PTK2: variants seen among roughly 807,000 people sequenced by gnomAD.
The protein encoded by PTK2 is focal adhesion kinase 1.
A neutral mutation model predicts 150.1 loss-of-function variants in PTK2; 45 were observed. That is an observed-to-expected ratio of 0.30 (90% CI 0.24 to 0.38). The LOEUF is 0.38. PTK2 is among the 10% of genes least tolerant of loss of function. PTK2 has a pLI of 1.00. For synonymous variants in PTK2, 432 were observed against 449.2 expected (o/e 0.96, Z 0.48); for missense variants, 919 against 1,307.3 (o/e 0.70, Z 4.58).
intron 26 of PTK2, 168 bp downstream of exon 29, chr8:140,700,723 G>C: frequency 4.2e-6 from 3 of 708,816 alleles, no homozygotes; most frequent in Non-Finnish European, 6.4e-6. Context: ...TGATCTGCTT[G>C]CCTCAGCCTC....
chr8:140,866,927 G>T (rs1167876573), intron 4 of PTK2, among the ~76,000 whole-genome samples: 1 of 152,132 alleles, frequency 6.6e-6, no homozygotes, highest in Non-Finnish European at 1.5e-5. Context: ...GATGATATCT[G>T]AACAAAGATC....
At chr8:140,775,337 T>A (rs2100077795) in intron 14 of PTK2, among the ~76,000 whole-genome samples, 1 of 151,912 alleles carries the variant, frequency 6.6e-6, no homozygotes, top group Non-Finnish European at 1.5e-5. Flanking sequence ...ATACAAAAGC[T>A]AGTCAGGCGT....
intron 28 of PTK2, 162 bp downstream of exon 31, chr8:140,675,298 A>G: frequency 1.4e-6 from 1 of 728,292 alleles, no homozygotes. Context: ...TTTTCCCAAT[A>G]CTCTAGTAAT....
chr8:140,803,009 T>TC (rs1213518851), intron 11 of PTK2, among the ~76,000 whole-genome samples: 1 of 133,006 alleles, frequency 7.5e-6, no homozygotes, highest in Non-Finnish European at 1.6e-5. Context: ...GACAATCTTT[T>TC]TTTTTTTTTT....
At chr8:140,993,125 G>A (rs767068983) in intron 1 of PTK2, among the ~76,000 whole-genome samples, 1 of 152,132 alleles carries the variant, frequency 6.6e-6, no homozygotes, top group Non-Finnish European at 1.5e-5. Context: ...TTATGAAAGA[G>A]CAGAGCAATA....
chr8:140,990,525 A>G (rs1249229521), intron 1 of PTK2, among the ~76,000 whole-genome samples: 1 of 152,306 alleles, frequency 6.6e-6, no homozygotes, highest in East Asian at 1.9e-4. Context: ...TACAGGCGTG[A>G]GTCAACATGC....
At chr8:140,671,083 A>T (rs1206272025) in intron 29 of PTK2, among the ~76,000 whole-genome samples, 1 of 152,216 alleles carries the variant, frequency 6.6e-6, no homozygotes, top group Non-Finnish European at 1.5e-5. Context: ...CCCTCTATAG[A>T]TGTAGCCAAT....
At chr8:140,912,710 C>CA (rs894282639) in intron 2 of PTK2, among the ~76,000 whole-genome samples, 4 of 152,034 alleles carry the variant, frequency 2.6e-5, no homozygotes, top group Non-Finnish European at 5.9e-5. Flanking sequence ...CCTGTAACCC[C>CA]AACACTTTGG....
intron 1 of PTK2, among the ~76,000 whole-genome samples, chr8:140,951,343 C>G (rs982959397): frequency 6.6e-6 from 1 of 152,166 alleles, no homozygotes; most frequent in Non-Finnish European, 1.5e-5. Flanking sequence ...TGCAGGAGCT[C>G]AAATGGCCCA....
intron 1 of PTK2, among the ~76,000 whole-genome samples, chr8:140,976,164 G>A (rs531076039): frequency 7.9e-5 from 12 of 152,290 alleles, no homozygotes; most frequent in African/African-American, 2.9e-4. Flanking sequence ...TAAAGGCAGA[G>A]CCAATATTTG....
At chr8:140,843,033 C>CA (rs2100123240) in intron 7 of PTK2, among the ~76,000 whole-genome samples, 1 of 152,068 alleles carries the variant, frequency 6.6e-6, no homozygotes, top group African/African-American at 2.4e-5. Flanking sequence ...TGACCCCTGA[C>CA]AAAAACTGCG....
chr8:140,674,734 C>T (rs375907508), intron 28 of PTK2, among the ~76,000 whole-genome samples: 5 of 150,278 alleles, frequency 3.3e-5, no homozygotes, highest in Non-Finnish European at 5.9e-5. Flanking sequence ...AACAAAACTC[C>T]GTCTCAAAAA....
chr8:140,809,854 G>GT (rs1555108476), intron 10 of PTK2, among the ~76,000 whole-genome samples: 4 of 152,138 alleles, frequency 2.6e-5, no homozygotes, highest in Non-Finnish European at 5.9e-5. Flanking sequence ...AACACCTGCC[G>GT]TTTAAAAAGG....
chr8:140,681,497 C>T (rs778710724), intron 27 of PTK2, among the ~76,000 whole-genome samples: 68 of 152,174 alleles, frequency 4.5e-4, no homozygotes, highest in Admixed American at 2.0e-3. Context: ...GTTGGCCGGG[C>T]GCGGTGGCTC....
intron 22 of PTK2, among the ~76,000 whole-genome samples, chr8:140,718,991 C>A (rs1296805537): frequency 6.6e-6 from 1 of 152,104 alleles, no homozygotes; most frequent in Non-Finnish European, 1.5e-5. Flanking sequence ...GCCTGGCCAA[C>A]ATAGTGAAAC....
intron 14 of PTK2, among the ~76,000 whole-genome samples, chr8:140,783,539 G>A (rs375994970): frequency 2.0e-5 from 3 of 152,296 alleles, no homozygotes; most frequent in African/African-American, 7.2e-5. Context: ...CAAATCTAGT[G>A]TATCAGAGAC....
intron 14 of PTK2, among the ~76,000 whole-genome samples, chr8:140,776,954 A>T (rs1378870622): frequency 6.6e-6 from 1 of 152,242 alleles, no homozygotes; most frequent in South Asian, 2.1e-4. Flanking sequence ...AAGCAAAAGC[A>T]GGGCAATTTC....
At chr8:140,913,046 A>G (rs953475102) in intron 2 of PTK2, among the ~76,000 whole-genome samples, 2 of 152,218 alleles carry the variant, frequency 1.3e-5, no homozygotes, top group African/African-American at 2.4e-5. Context: ...GGGGGAAAAA[A>G]GGGGAAATCT....
rs190842295 is a variant in PTK2 at position 140,915,604 on chromosome 8, C to A, written c.-33+10057G>T. ...TTAGAAGGTCATATTTGGGCAAAAACCCCATATCCAGGCCGGGCACGGTGG... is the reference window on the plus strand; with the variant it reads ...TTAGAAGGTCATATTTGGGCAAAAAACCCATATCCAGGCCGGGCACGGTGG... On this transcript the variant is annotated intron_variant, in intron 2 of 31. Transcript: ENST00000522684. Among the ~76,000 whole-genome samples the A allele has an allele frequency of 4.6e-5, 7 of 152,124 alleles. No homozygotes were observed. In the East Asian group the frequency reaches 5.8e-4, roughly 13 times the overall value.
Sources: gnomAD v4.1 joint callset for allele counts (sites outside exome capture counted in the v4.1 genomes callset) on GRCh38, gnomAD v4.1.1 for gene constraint, MANE v1.5 for transcripts, NCBI Gene and HGNC (gene_info 2026-07-23, HGNC 2026-07-21) for gene names.